The following KIRREL3 variants were observed in gnomAD, a reference collection of about 807,000 sequenced individuals.
The protein encoded by KIRREL3 is kirre like nephrin family adhesion molecule 3, also known as kin of IRRE-like protein 3.
KIRREL3 carries 36 observed loss-of-function variants against 89.7 expected under a neutral mutation model. The ratio of observed to expected loss-of-function variants is 0.40; its 90% CI spans 0.31 to 0.53. KIRREL3 has a LOEUF of 0.53. Among genes scored for constraint, KIRREL3 ranks in the 20% least tolerant of loss-of-function variants. KIRREL3 has a pLI of 0.49. For missense variants in KIRREL3, 864 were observed against 1,056.6 expected, an observed-to-expected ratio of 0.82 and a Z score of 2.53; for synonymous variants, 445 against 441.4, an observed-to-expected ratio of 1.01 and a Z score of -0.10.
rs1565442570 is a variant in KIRREL3 at position 126,429,935 on chromosome 11, CA to C, written c.1697-648del. ...GCAGATCACGAGGTCAGGAGTTTGA[CA>C]CCAGCCTGGCCAACATGGTGAAACC... On this transcript the variant is annotated intron_variant, in intron 14 of 16. Coordinates refer to ENST00000525144, the MANE Select transcript of KIRREL3 (RefSeq NM_032531.4). This position sits in a 1 kb window ranked among gnomAD's most constrained non-coding sequence, Gnocchi z 5.2. Among the ~76,000 whole-genome samples the C allele has an allele frequency of 6.7e-6, 1 of 149,726 alleles. No homozygotes were observed. Among genetic ancestry groups the C allele is most frequent in the East Asian group, 2.0e-4 (1 of 5,010 alleles).
intron 1 of KIRREL3, among the ~76,000 whole-genome samples, chr11:126,673,099 G>A (rs903180926): frequency 6.6e-6 from 1 of 152,180 alleles, no homozygotes; most frequent in African/African-American, 2.4e-5. Context: ...TGAGGGCTAG[G>A]ATAACCAAAT....
In KIRREL3 at chr11:126,528,813, G is replaced by A. The variant is rs552200194; in HGVS notation, c.134-2126C>T. On this transcript the variant is annotated intron_variant, in intron 2 of 16. Coordinates refer to ENST00000525144, the MANE Select transcript of KIRREL3 (RefSeq NM_032531.4). The surrounding 1 kb of genome is among the most constrained non-coding windows in gnomAD (Gnocchi z 4.6). ...GTGGGAGAGAAGAGGAGAGGGAGAG[G>A]AAGAGGAGGAAGCAGGGGAGGAGGG... Among the ~76,000 whole-genome samples, 5 of 135,708 alleles carry A rather than the reference G, an allele frequency of 3.7e-5. No individual in the cohort carries two copies. The highest frequency in any genetic ancestry group is 1.3e-4 in the African/African-American group (5 of 37,178). The allele number at this position is 135,708 out of a possible 152,430, so 89.0% of individuals were successfully genotyped here.
At chr11:126,893,982 TA>T (rs1386834884) in intron 1 of KIRREL3, among the ~76,000 whole-genome samples, 1 of 152,178 alleles carries the variant, frequency 6.6e-6, no homozygotes, top group Non-Finnish European at 1.5e-5. Context: ...TGGCTGTAGA[TA>T]ATGAGATGGC....
chr11:126,823,165 C>T (rs956466621), intron 1 of KIRREL3, among the ~76,000 whole-genome samples: 5 of 152,188 alleles, frequency 3.3e-5, no homozygotes, highest in Non-Finnish European at 7.4e-5. Flanking sequence ...TCACACTAAC[C>T]ATTCTGGATT....
chr11:126,661,243 G>C (rs934312325), intron 1 of KIRREL3, among the ~76,000 whole-genome samples: 1 of 149,888 alleles, frequency 6.7e-6, no homozygotes, highest in Non-Finnish European at 1.5e-5. Flanking sequence ...ACTAGCAGAG[G>C]GTCATGCCTC....
In KIRREL3 at chr11:126,987,853, A is replaced by G. The variant is rs1312717210; in HGVS notation, c.55+12602T>C. 6.6e-6 allele frequency among the ~76,000 whole-genome samples: 1 copy of G among 152,210 alleles called. No individual in the cohort carries two copies. The highest frequency in any genetic ancestry group is 1.5e-5 in the Non-Finnish European group (1 of 68,034). ...TTAAACCAATATTACAATTTTAAGC[A>G]TGGCCTGGGTAGACATGTGCCATCT... On this transcript the variant is annotated intron_variant, in intron 1 of 16. Coordinates refer to ENST00000525144, the MANE Select transcript of KIRREL3 (RefSeq NM_032531.4). This position sits in a 1 kb window ranked among gnomAD's most constrained non-coding sequence, Gnocchi z 4.6.
At chr11:126,787,694 C>A (rs1186854956) in intron 1 of KIRREL3, among the ~76,000 whole-genome samples, 1 of 152,192 alleles carries the variant, frequency 6.6e-6, no homozygotes, top group Non-Finnish European at 1.5e-5. Flanking sequence ...CTTGTTATTT[C>A]TTTTCCCTTT....
chr11:126,881,998 C>T (rs371662215), intron 1 of KIRREL3, among the ~76,000 whole-genome samples: 6 of 151,994 alleles, frequency 3.9e-5, no homozygotes, highest in East Asian at 3.9e-4. Flanking sequence ...TAGGGGTGTG[C>T]GTATATATGG....
At chr11:126,593,757 T>G (rs1942262794) in intron 1 of KIRREL3, among the ~76,000 whole-genome samples, 1 of 152,132 alleles carries the variant, frequency 6.6e-6, no homozygotes, top group South Asian at 2.1e-4. Context: ...TTCATAGCTT[T>G]TAGTAGATTC....
At chr11:126,440,281 TTG>T in intron 11 of KIRREL3, 166 bp downstream of exon 11, 3 of 716,634 alleles carry the variant, frequency 4.2e-6, no homozygotes, top group Non-Finnish European at 7.5e-6. Flanking sequence ...AGGCCTGCAA[TTG>T]TGTCTTCACG....
At chr11:126,868,433 G>A (rs1261049686) in intron 1 of KIRREL3, among the ~76,000 whole-genome samples, 1 of 152,134 alleles carries the variant, frequency 6.6e-6, no homozygotes, top group Admixed American at 6.5e-5. Context: ...GTCGCCCTAG[G>A]TGGAGAGCAA....
chr11:126,508,126 T>A lies in KIRREL3; in HGVS notation c.433+13189A>T, dbSNP rs1260942197. The stretch of plus-strand genomic sequence containing the variant: ...TGAAGCTGCTGGGTGATCTCTCAGC[T>A]GCTAACATTGTTTCTGACATATTTT... On this transcript the variant is annotated intron_variant, in intron 4 of 16. Coordinates refer to ENST00000525144, the MANE Select transcript of KIRREL3 (RefSeq NM_032531.4). This position sits in a 1 kb window ranked among gnomAD's most constrained non-coding sequence, Gnocchi z 4.9. Among the ~76,000 whole-genome samples, 1 of 152,240 alleles carries A rather than the reference T, an allele frequency of 6.6e-6. No homozygotes were observed. The highest frequency in any genetic ancestry group is 1.5e-5 in the Non-Finnish European group (1 of 68,036).
chr11:126,479,666 GAGC>G (rs1957169097), intron 4 of KIRREL3, among the ~76,000 whole-genome samples: 1 of 152,218 alleles, frequency 6.6e-6, no homozygotes, highest in South Asian at 2.1e-4. Context: ...ACTGGACAAA[GAGC>G]ACGTGTGGGG....
chr11:126,834,981 C>G (rs1565338103), intron 1 of KIRREL3, among the ~76,000 whole-genome samples: 1 of 152,216 alleles, frequency 6.6e-6, no homozygotes, highest in African/African-American at 2.4e-5. Context: ...CAGGTGCCTC[C>G]AGTTGTGTGT....
chr11:126,938,311 G>A (rs1948293719), intron 1 of KIRREL3, among the ~76,000 whole-genome samples: 1 of 152,140 alleles, frequency 6.6e-6, no homozygotes, highest in Non-Finnish European at 1.5e-5. Flanking sequence ...CCACCTATTG[G>A]GTTCCAAGTG....
rs1946195353 is a variant in KIRREL3, at chr11:126,676,512, G to T, written c.56-113600C>A. The stretch of plus-strand genomic sequence containing the variant: ...AATTTGCACCTGCAGATGTTGTATT[G>T]TTTTGTTTTGTTTGAGTTGGGGGGA... On this transcript the variant is annotated intron_variant, in intron 1 of 16. Transcript: ENST00000525144. This position sits in a 1 kb window ranked among gnomAD's most constrained non-coding sequence, Gnocchi z 4.5. Among the ~76,000 whole-genome samples, 1 of 152,080 alleles carries T rather than the reference G, an allele frequency of 6.6e-6. No homozygotes were observed.
intron 1 of KIRREL3, among the ~76,000 whole-genome samples, chr11:126,580,836 G>GTTTTTTT (rs58691243): frequency 2.1e-5 from 3 of 140,810 alleles, no homozygotes; most frequent in African/African-American, 2.7e-5. Flanking sequence ...GGAATTTCCT[G>GTTTTTTT]TTTTTTTTTT....
At position 126,882,130 on chromosome 11, in the gene KIRREL3, T is replaced by C. The variant is rs574763478; in HGVS notation, c.55+118325A>G. 3.3e-5 allele frequency among the ~76,000 whole-genome samples: 5 copies of C among 152,296 alleles called. No homozygotes were observed. In the East Asian group the frequency reaches 7.7e-4, roughly 24 times the overall value. On this transcript the variant is annotated intron_variant, in intron 1 of 16. Coordinates refer to ENST00000525144, the MANE Select transcript of KIRREL3 (RefSeq NM_032531.4). Reference sequence around the variant, plus strand: ...GAGCAGTTCAGTCCTGGAAACTTTGTTCACCCTGACTCCTGCCCTCTTGAC... The same window carrying C: ...GAGCAGTTCAGTCCTGGAAACTTTGCTCACCCTGACTCCTGCCCTCTTGAC...
chr11:126,963,909 C>T (rs527879686), intron 1 of KIRREL3, among the ~76,000 whole-genome samples: 2 of 152,264 alleles, frequency 1.3e-5, no homozygotes, highest in African/African-American at 4.8e-5. Flanking sequence ...TTGCACATGT[C>T]CCATTTCCCC....
Sources: allele counts gnomAD v4.1 joint callset (sites outside exome capture counted in the v4.1 genomes callset), GRCh38; gene constraint gnomAD v4.1.1; non-coding constraint Gnocchi (gnomAD v3.1); transcripts MANE v1.5; gene names NCBI Gene and HGNC (gene_info 2026-07-23, HGNC 2026-07-21).